Variants in ATP2B1 observed in about 807,000 individuals in gnomAD.
The protein encoded by ATP2B1 is ATPase plasma membrane Ca2+ transporting 1.
Under a neutral mutation model 124.2 loss-of-function variants are expected in ATP2B1, and 14 were observed. That is an observed-to-expected ratio of 0.11 (90% CI 0.07 to 0.18). ATP2B1 has a LOEUF of 0.18. ATP2B1 is among the 10% of genes least tolerant of loss of function. The pLI is 1.00. For synonymous variants in ATP2B1, 449 were observed against 492.4 expected (o/e 0.91, Z 1.17); for missense variants, 763 against 1,466.1 (o/e 0.52, Z 7.83).
chr12:89,639,098 A>G (rs1565855542), intron 3 of ATP2B1, among the ~76,000 whole-genome samples: 1 of 152,226 alleles, frequency 6.6e-6, no homozygotes, highest in Non-Finnish European at 1.5e-5. Context: ...TTGATCATTT[A>G]GATTTCTATG....
At chr12:89,656,253 G>A (rs1418464488) in intron 1 of ATP2B1, 146 bp from the exon 2 acceptor site, 4 of 388,260 alleles carry the variant, frequency 1.0e-5, no homozygotes, top group Non-Finnish European at 1.8e-5. Context: ...TGCTTTTAAA[G>A]TGCTTTGCAT....
At chr12:89,692,949 T>C (rs1457509106) in intron 1 of ATP2B1, among the ~76,000 whole-genome samples, 1 of 152,220 alleles carries the variant, frequency 6.6e-6, no homozygotes, top group East Asian at 1.9e-4. Flanking sequence ...TTTCACTTAA[T>C]GTTGCAGTGT....
At chr12:89,658,446 T>G (rs1420919170) in intron 1 of ATP2B1, among the ~76,000 whole-genome samples, 4 of 152,222 alleles carry the variant, frequency 2.6e-5, no homozygotes, top group African/African-American at 9.6e-5. Flanking sequence ...GGTAAATAAT[T>G]GCTTAGTTCT....
At chr12:89,695,962 T>C (rs1225322891) in intron 1 of ATP2B1, among the ~76,000 whole-genome samples, 1 of 152,194 alleles carries the variant, frequency 6.6e-6, no homozygotes, top group African/African-American at 2.4e-5. Context: ...TTCTATAAGA[T>C]GCAGAAGTCC....
chr12:89,642,752 A>G (rs1404110944), intron 2 of ATP2B1, among the ~76,000 whole-genome samples: 1 of 152,002 alleles, frequency 6.6e-6, no homozygotes, highest in Admixed American at 6.6e-5. Flanking sequence ...CTATAGGTGC[A>G]TGCCACCACA....
intron 1 of ATP2B1, among the ~76,000 whole-genome samples, chr12:89,664,234 T>C (rs769776148): frequency 2.0e-5 from 3 of 152,190 alleles, no homozygotes; most frequent in Non-Finnish European, 4.4e-5. Context: ...CAAAGCAGAA[T>C]AGGTGACTCA....
intron 20 of ATP2B1, among the ~76,000 whole-genome samples, chr12:89,593,007 C>G (rs999273381): frequency 2.0e-5 from 3 of 152,002 alleles, no homozygotes; most frequent in African/African-American, 4.8e-5. Context: ...TAATTCCATT[C>G]TATTTGATTG....
chr12:89,653,688 T>TG (rs1885589195), intron 2 of ATP2B1, among the ~76,000 whole-genome samples: 1 of 152,244 alleles, frequency 6.6e-6, no homozygotes, highest in African/African-American at 2.4e-5. Flanking sequence ...TATCCCCTTC[T>TG]CAAATTTTAA....
At chr12:89,622,933 A>C (rs1180491398) in intron 9 of ATP2B1, among the ~76,000 whole-genome samples, 1 of 152,206 alleles carries the variant, frequency 6.6e-6, no homozygotes, top group Non-Finnish European at 1.5e-5. Context: ...TGACTACTCA[A>C]AATGAACTAA....
intron 2 of ATP2B1, among the ~76,000 whole-genome samples, chr12:89,643,079 C>T (rs966002555): frequency 6.6e-6 from 1 of 150,824 alleles, no homozygotes; most frequent in Non-Finnish European, 1.5e-5. Flanking sequence ...CACACACACA[C>T]ACACACACAC....
intron 15 of ATP2B1, among the ~76,000 whole-genome samples, chr12:89,607,155 A>G (rs527919487): frequency 1.5e-4 from 23 of 152,308 alleles, no homozygotes; most frequent in African/African-American, 5.1e-4. Context: ...CATCATCAGA[A>G]GTAGGCTTGG....
chr12:89,636,195 A>T (rs1429600289), intron 3 of ATP2B1, among the ~76,000 whole-genome samples: 1 of 151,932 alleles, frequency 6.6e-6, no homozygotes, highest in Non-Finnish European at 1.5e-5. Context: ...ATGGCAGAAT[A>T]GAGATCAGAA....
Position 89,609,919 on chromosome 12 carries a change from G to T in ATP2B1, c.2442+18C>A. 6.2e-7 allele frequency: 1 copy of T among 1,602,664 alleles called. No individual in the cohort carries two copies. The highest frequency in any genetic ancestry group is 1.1e-5 in the South Asian group (1 of 90,028). The stretch of plus-strand genomic sequence containing the variant: ...GTCAGTAAATTACGTTTGGATATTT[G>T]AATGAGTAAATTCTTACCATTGCAA... On this transcript the variant is annotated intron_variant, in intron 15 of 20. Coordinates refer to ENST00000428670, the MANE Select transcript of ATP2B1 (RefSeq NM_001366521.1).
At chr12:89,644,535 A>G (rs1237332360) in intron 2 of ATP2B1, among the ~76,000 whole-genome samples, 3 of 144,120 alleles carry the variant, frequency 2.1e-5, no homozygotes, top group Admixed American at 7.0e-5. Context: ...TTCTCAGTTG[A>G]AAAAAAAAAA....
chr12:89,590,977 C>G lies in ATP2B1; in HGVS notation c.*7G>C. 1 of 1,608,550 alleles carries G rather than the reference C, an allele frequency of 6.2e-7. No individual in the cohort carries two copies. Among genetic ancestry groups the G allele is most frequent in the East Asian group, 2.2e-5 (1 of 44,820 alleles). On this transcript the variant is annotated 3_prime_UTR_variant, in exon 21 of 21. Transcript: ENST00000428670. The stretch of plus-strand genomic sequence containing the variant: ...ATGCAGCTAGTGTGTTAACATTCAG[C>G]TTACAATCAGAGTGATGTTTCCAAA...
chr12:89,645,984 T>C (rs867258371), intron 2 of ATP2B1, among the ~76,000 whole-genome samples: 42 of 152,186 alleles, frequency 2.8e-4, no homozygotes, highest in Middle Eastern at 3.4e-3. Flanking sequence ...GTTTTAGAAG[T>C]GGAGGCAGAA....
At chr12:89,606,572 CTTTT>C (rs11390166) in intron 15 of ATP2B1, among the ~76,000 whole-genome samples, 5 of 129,098 alleles carry the variant, frequency 3.9e-5, no homozygotes, top group African/African-American at 1.2e-4. Context: ...TAATGTCCCA[CTTTT>C]TTTTTTTTTT....
intron 12 of ATP2B1, among the ~76,000 whole-genome samples, chr12:89,614,956 T>C (rs912836401): frequency 4.6e-5 from 7 of 152,226 alleles, no homozygotes; most frequent in South Asian, 4.2e-4. Context: ...ATCCCTGTCT[T>C]ACACGTACCC....
chr12:89,655,481 A>G, intron 2 of ATP2B1, 198 bp downstream of exon 2: 1 of 587,676 alleles, frequency 1.7e-6, no homozygotes, highest in South Asian at 2.1e-5. Context: ...TCTAAAACAT[A>G]TAAATTAATT....
Sources: allele counts gnomAD v4.1 joint callset (sites outside exome capture counted in the v4.1 genomes callset), GRCh38; gene constraint gnomAD v4.1.1; transcripts MANE v1.5; gene names NCBI Gene and HGNC (gene_info 2026-07-23, HGNC 2026-07-21).